Variants in SNX18 observed in about 807,000 individuals in gnomAD.
SNX18 encodes sorting nexin-18.
In SNX18, 35 loss-of-function variants were observed where a neutral mutation model predicts 48.7. The observed-to-expected ratio is 0.72, with a 90% CI of 0.55 to 0.95. The LOEUF (loss-of-function observed/expected upper bound fraction) is 0.95, where lower values mean the gene tolerates loss of function less well. SNX18 is among the 40% of genes least tolerant of loss of function. The pLI, the probability that SNX18 is intolerant of heterozygous loss-of-function variation, is 0.00. For synonymous variants in SNX18, 492 were observed against 384.7 expected (o/e 1.28, Z -3.26); for missense variants, 824 against 871.0 (o/e 0.95, Z 0.68).
chr5:54,550,913 G>A (rs1351146657), downstream of SNX18, among the ~76,000 whole-genome samples: 1 of 149,542 alleles, frequency 6.7e-6, no homozygotes, highest in African/African-American at 2.5e-5. Context: ...GAAAGTAAAT[G>A]CAGCAACTTG....
the SNX18 span, among the ~76,000 whole-genome samples, chr5:54,638,616 G>A: frequency 6.6e-6 from 1 of 152,184 alleles, no homozygotes; most frequent in Non-Finnish European, 1.5e-5. Flanking sequence ...GATGGCTCAT[G>A]AGGAAAAAAT....
chr5:54,613,509 C>G, the SNX18 span, among the ~76,000 whole-genome samples: 3 of 152,170 alleles, frequency 2.0e-5, no homozygotes, highest in Non-Finnish European at 4.4e-5. Context: ...CTACTCATCT[C>G]TTAAAGGTCT....
the SNX18 span, among the ~76,000 whole-genome samples, chr5:54,553,891 AT>A: frequency 2.6e-5 from 4 of 152,148 alleles, no homozygotes; most frequent in African/African-American, 9.6e-5. Flanking sequence ...TGGGGACCTT[AT>A]AACTGCCCAG....
chr5:54,519,523 T>C lies in SNX18; in HGVS notation c.1571T>C (p.Leu524Pro). Reference sequence around the variant, plus strand: ...GATCCCGTCATGGACCTATTAGCGCTGTATCAGGGGCATCTGGCTAACTTC... The same window carrying C: ...GATCCCGTCATGGACCTATTAGCGCCGTATCAGGGGCATCTGGCTAACTTC... The part of the protein sequence containing the change: ...DLDPVMDLLA[L>P]YQGHLANFPD... The change falls in exon 1 of 2, where the codon CTG (leucine) becomes CCG (proline). Residue 524 changes from leucine to proline, a missense_variant. Leu to Pro is a moderately conservative substitution (Grantham distance 98). Transcript: ENST00000381410. 2 of 1,614,162 alleles carry C rather than the reference T, an allele frequency of 1.2e-6. No individual in the cohort carries two copies. The highest frequency in any genetic ancestry group is 1.7e-6 in the Non-Finnish European group (2 of 1,180,024).
the SNX18 span, among the ~76,000 whole-genome samples, chr5:54,641,847 C>T: frequency 1.3e-5 from 2 of 152,240 alleles, no homozygotes; most frequent in African/African-American, 4.8e-5. Context: ...TGCCTATCAC[C>T]TCCCACCAAG....
the SNX18 span, chr5:54,644,430 G>C: frequency 6.6e-6 from 1 of 152,182 alleles, no homozygotes; most frequent in Non-Finnish European, 1.5e-5. Context: ...CCACGGGTGA[G>C]TAACAGGTGA....
chr5:54,521,420 G>A (rs999967594), intron 1 of SNX18, among the ~76,000 whole-genome samples: 2 of 152,156 alleles, frequency 1.3e-5, no homozygotes, highest in Non-Finnish European at 2.9e-5. Flanking sequence ...AAACCATCTG[G>A]TTATGGCCAG....
At chr5:54,565,158 C>T in the SNX18 span, among the ~76,000 whole-genome samples, 3 of 152,304 alleles carry the variant, frequency 2.0e-5, no homozygotes, top group African/African-American at 7.2e-5. Flanking sequence ...TCAGCAACTT[C>T]TATTTCATGC....
the SNX18 span, among the ~76,000 whole-genome samples, chr5:54,637,734 C>T: frequency 6.6e-6 from 1 of 152,154 alleles, no homozygotes; most frequent in African/African-American, 2.4e-5. Context: ...TGGTAATCCC[C>T]TGCATAACAA....
At chr5:54,539,604 C>T (rs935761166) in intron 1 of SNX18, among the ~76,000 whole-genome samples, 1 of 152,048 alleles carries the variant, frequency 6.6e-6, no homozygotes, top group Non-Finnish European at 1.5e-5. Context: ...TTTCACTTTG[C>T]GTCAGGGTAG....
At chr5:54,550,218 A>G (rs1277871214), downstream of SNX18, among the ~76,000 whole-genome samples, 1 of 152,244 alleles carries the variant, frequency 6.6e-6, no homozygotes, top group Non-Finnish European at 1.5e-5. Context: ...TGTCAGGTCC[A>G]TAAGTCTGTG....
At chr5:54,526,638 ACG>A (rs1323184130) in intron 1 of SNX18, among the ~76,000 whole-genome samples, 3 of 152,194 alleles carry the variant, frequency 2.0e-5, no homozygotes, top group Admixed American at 6.5e-5. Flanking sequence ...TTCAACAAAT[ACG>A]TATGTACCCA....
In SNX18 at chr5:54,518,354, G is replaced by A. The variant is rs1361159302; in HGVS notation, c.402G>A (p.Gln134=). Residue 134 remains glutamine (Q), a synonymous_variant, in exon 1 of 2, where the codon CAG becomes CAA. Coordinates refer to ENST00000381410, the MANE Select transcript of SNX18 (RefSeq NM_001102575.2). ...AGFPYGGGAL[Q]PSPQQLYGGY... is the part of the protein sequence containing the mutation. The stretch of plus-strand genomic sequence containing the variant: ...TCCCGTACGGCGGGGGCGCCCTGCA[G>A]CCGTCGCCTCAGCAGCTCTACGGCG... The A allele has an allele frequency of 3.3e-6, 5 of 1,537,550 alleles. No individual in the cohort carries two copies. In the Admixed American group the frequency reaches 5.9e-5, roughly 18 times the overall value.
chr5:54,602,407 G>T, the SNX18 span, among the ~76,000 whole-genome samples: 1 of 152,180 alleles, frequency 6.6e-6, no homozygotes, highest in South Asian at 2.1e-4. Context: ...TTCTAGGAGG[G>T]TCTTCTCACT....
At chr5:54,519,786 T>A (rs771566499) in intron 1 of SNX18, 2 of 1,613,896 alleles carry the variant, frequency 1.2e-6, no homozygotes, top group South Asian at 2.2e-5. Context: ...AGGGAATGAG[T>A]ACTCTTTCTC....
At chr5:54,521,723 G>A (rs796831006) in intron 1 of SNX18, among the ~76,000 whole-genome samples, 15 of 152,180 alleles carry the variant, frequency 9.9e-5, no homozygotes, top group African/African-American at 3.6e-4. Flanking sequence ...AAAATATATA[G>A]CTTATTTACT....
the SNX18 span, among the ~76,000 whole-genome samples, chr5:54,574,086 G>T: frequency 6.6e-6 from 1 of 152,190 alleles, no homozygotes; most frequent in African/African-American, 2.4e-5. Context: ...GCTCCCTATG[G>T]CATCAGCTTA....
At chr5:54,596,819 C>A in the SNX18 span, among the ~76,000 whole-genome samples, 2 of 152,204 alleles carry the variant, frequency 1.3e-5, no homozygotes, top group African/African-American at 4.8e-5. Context: ...GGATGTGCCC[C>A]TTTCCCCTCC....
At position 54,519,945 on chromosome 5, in the gene SNX18, T is replaced by G. The variant is rs73130560; in HGVS notation, c.1621+372T>G. ...TTAGGTATCTGTTTGAACACTGCAC[T>G]GTCACTTAGTGGTGAGTTTCAAAAA... is the stretch of plus-strand genomic sequence containing the variant. On this transcript the variant is annotated intron_variant, in intron 1 of 1. Transcript: ENST00000381410. The G allele has an allele frequency of 4.0e-3, 3,546 of 880,192 alleles. 91 individuals are homozygous for G. In the African/African-American group the frequency reaches 0.055, roughly 14 times the overall value. 54.5% of individuals were successfully genotyped at this position (880,192 alleles called of 1,614,324 possible).
Sources: allele counts gnomAD v4.1 joint callset (sites outside exome capture counted in the v4.1 genomes callset), GRCh38; gene constraint gnomAD v4.1.1; transcripts MANE v1.5; gene names NCBI Gene and HGNC (gene_info 2026-07-23, HGNC 2026-07-21).